Variants in ITGA9 observed in about 807,000 individuals in gnomAD.
ITGA9 encodes integrin alpha-9.
A neutral mutation model predicts 127.8 loss-of-function variants in ITGA9; 56 were observed. That is an observed-to-expected ratio of 0.44 (90% CI 0.35 to 0.55). The LOEUF (loss-of-function observed/expected upper bound fraction) is 0.55, where lower values mean the gene tolerates loss of function less well. Among genes scored for constraint, ITGA9 ranks in the 20% least tolerant of loss-of-function variants. The probability of loss-of-function intolerance (pLI) is 0.00; values close to 1 mark genes in which losing one functional copy is unlikely to be tolerated. For missense variants in ITGA9, 1,196 were observed against 1,347.1 expected, an observed-to-expected ratio of 0.89 and a Z score of 1.76; for synonymous variants, 508 against 514.5, an observed-to-expected ratio of 0.99 and a Z score of 0.17.
chr3:37,611,584 T>TA (rs1700016860), intron 15 of ITGA9, among the ~76,000 whole-genome samples: 1 of 152,208 alleles, frequency 6.6e-6, no homozygotes, highest in Non-Finnish European at 1.5e-5. Context: ...CTTCACTCTC[T>TA]AAACTGCAAA....
chr3:37,494,790 C>T lies in ITGA9; in HGVS notation c.612+222C>T, dbSNP rs138817944. 7.2e-5 allele frequency among the ~76,000 whole-genome samples: 11 copies of T among 152,184 alleles called. No homozygotes were observed. The East Asian group carries it at 9.7e-4, about 13-fold the overall frequency. On this transcript the variant is annotated intron_variant, in intron 5 of 27. Transcript: ENST00000264741. Reference sequence around the variant, plus strand: ...GCAGAGGAGGTGGGGTGGCTCATCTCGAGGCTACCCCTATTTGATGATTTC... The same window carrying T: ...GCAGAGGAGGTGGGGTGGCTCATCTTGAGGCTACCCCTATTTGATGATTTC...
chr3:37,638,544 G>C (rs1700302764), intron 16 of ITGA9, among the ~76,000 whole-genome samples: 1 of 151,952 alleles, frequency 6.6e-6, no homozygotes, highest in Non-Finnish European at 1.5e-5. Context: ...GCAGGAAGCA[G>C]AGCTGATCTT....
At chr3:37,630,706 C>T (rs1029087095) in intron 16 of ITGA9, among the ~76,000 whole-genome samples, 5 of 152,220 alleles carry the variant, frequency 3.3e-5, no homozygotes, top group African/African-American at 1.2e-4. Flanking sequence ...CACATCAAAA[C>T]ACACCCTCTG....
At chr3:37,551,420 C>G (rs1453755831) in intron 15 of ITGA9, among the ~76,000 whole-genome samples, 2 of 152,134 alleles carry the variant, frequency 1.3e-5, no homozygotes, top group Non-Finnish European at 2.9e-5. Flanking sequence ...GTTTTCCTAC[C>G]TCCTGCAACT....
chr3:37,771,020 T>G (rs900886405), intron 23 of ITGA9, among the ~76,000 whole-genome samples: 2 of 152,204 alleles, frequency 1.3e-5, no homozygotes, highest in Non-Finnish European at 2.9e-5. Context: ...TTTCCTTGTT[T>G]GGGTGCCTGG....
chr3:37,469,297 T>A (rs1048902048), intron 1 of ITGA9, among the ~76,000 whole-genome samples: 3 of 152,172 alleles, frequency 2.0e-5, no homozygotes, highest in African/African-American at 7.2e-5. Flanking sequence ...ACTGTTCTAT[T>A]TCTGTTTTGC....
intron 15 of ITGA9, among the ~76,000 whole-genome samples, chr3:37,545,788 C>T (rs1699320573): frequency 6.6e-6 from 1 of 152,232 alleles, no homozygotes; most frequent in Non-Finnish European, 1.5e-5. Flanking sequence ...CACCTCCCCT[C>T]AGCATCGGGC....
In ITGA9 at chr3:37,452,347, C is replaced by G; in HGVS notation, c.-28C>G. On this transcript the variant is annotated 5_prime_UTR_variant, in exon 1 of 28. Transcript: ENST00000264741. This position sits in a 1 kb window ranked among gnomAD's most constrained non-coding sequence, Gnocchi z 7.3. ...CGCGCTCGGCGCCCTGCTCGCCGGGCAGAGGGGAAGGCGGCGGCCGGCTGG... is the reference window on the plus strand; with the variant it reads ...CGCGCTCGGCGCCCTGCTCGCCGGGGAGAGGGGAAGGCGGCGGCCGGCTGG... 4.5e-6 allele frequency: 5 copies of G among 1,110,012 alleles called. No individual in the cohort carries two copies. Among genetic ancestry groups the G allele is most frequent in the Non-Finnish European group, 5.5e-6 (5 of 912,130 alleles). The allele number at this position is 1,110,012 out of a possible 1,614,324, so 68.8% of individuals were successfully genotyped here.
At position 37,542,537 on chromosome 3, in the gene ITGA9, G is replaced by A. The variant is rs1374519556; in HGVS notation, c.1641G>A (p.Gln547=). Residue 547 remains glutamine (Q), a synonymous_variant, in exon 15 of 28, where the codon CAG becomes CAA. Coordinates refer to ENST00000264741, the MANE Select transcript of ITGA9 (RefSeq NM_002207.3). ...ETMGQVTEKL[Q]LTYMEETCRH... The stretch of plus-strand genomic sequence containing the variant: ...TGGGTCAGGTCACAGAGAAGCTGCA[G>A]CTGACTTACATGGAGGAGACGTGTC... The A allele has an allele frequency of 2.5e-6, 4 of 1,614,048 alleles. No individual in the cohort carries two copies. The Admixed American group carries it at 5.0e-5, about 20-fold the overall frequency.
intron 1 of ITGA9, among the ~76,000 whole-genome samples, chr3:37,469,487 C>G (rs1200742439): frequency 6.6e-6 from 1 of 152,076 alleles, no homozygotes; most frequent in Non-Finnish European, 1.5e-5. Context: ...GGAAAGTGTC[C>G]ATATCATATA....
chr3:37,503,616 G>A (rs9809662), intron 6 of ITGA9, among the ~76,000 whole-genome samples: 11,856 of 152,250 alleles, frequency 0.078, 672 homozygotes, highest in African/African-American at 0.16. Context: ...TGGTCAGGTA[G>A]AAATGAGTGT....
intron 14 of ITGA9, 89 bp downstream of exon 14, chr3:37,533,557 C>G: frequency 1.4e-6 from 2 of 1,389,794 alleles, no homozygotes; most frequent in South Asian, 2.4e-5. Flanking sequence ...CGCTGTTCCT[C>G]CCAGCTGGTT....
intron 27 of ITGA9, chr3:37,807,095 A>AG (rs1229545961): frequency 6.6e-6 from 1 of 152,236 alleles, no homozygotes; most frequent in East Asian, 1.9e-4. Context: ...AAGGTCACAG[A>AG]GAACAGTGTG....
chr3:37,701,377 A>G (rs1240650188), intron 18 of ITGA9, among the ~76,000 whole-genome samples: 1 of 152,226 alleles, frequency 6.6e-6, no homozygotes, highest in East Asian at 1.9e-4. Context: ...ATAGGGGGAT[A>G]TATTAGGAAG....
rs535788386 is a variant in ITGA9, at chr3:37,679,682, G to A, written c.1917-4183G>A. Reference sequence around the variant, plus strand: ...AACCTCTCTGACAGTCCTGCTGAAAGATGAAAACAATCAGGCACGGGGTTT... The same window carrying A: ...AACCTCTCTGACAGTCCTGCTGAAAAATGAAAACAATCAGGCACGGGGTTT... On this transcript the variant is annotated intron_variant, in intron 17 of 27. Coordinates refer to ENST00000264741, the MANE Select transcript of ITGA9 (RefSeq NM_002207.3). Among the ~76,000 whole-genome samples, 15 of 152,336 alleles carry A rather than the reference G, an allele frequency of 9.8e-5. No individual in the cohort carries two copies. In the South Asian group the frequency reaches 1.9e-3, roughly 19 times the overall value.
chr3:37,658,241 C>G (rs1340798131), intron 17 of ITGA9, among the ~76,000 whole-genome samples: 1 of 152,060 alleles, frequency 6.6e-6, no homozygotes, highest in African/African-American at 2.4e-5. Context: ...TTCTGAATAT[C>G]CTTGTTAGTT....
intron 17 of ITGA9, among the ~76,000 whole-genome samples, chr3:37,673,149 G>A (rs906299668): frequency 1.3e-5 from 2 of 152,086 alleles, no homozygotes; most frequent in Non-Finnish European, 2.9e-5. Context: ...TATCCCTGTA[G>A]GAAAGAGAAA....
intron 27 of ITGA9, among the ~76,000 whole-genome samples, chr3:37,805,461 TA>T (rs1292384384): frequency 6.6e-6 from 1 of 152,160 alleles, no homozygotes; most frequent in Admixed American, 6.5e-5. Context: ...CTTAAAGCTG[TA>T]GAGTGTCTGC....
chr3:37,593,149 T>G (rs978497287), intron 15 of ITGA9, among the ~76,000 whole-genome samples: 6 of 152,214 alleles, frequency 3.9e-5, no homozygotes, highest in African/African-American at 1.4e-4. Context: ...CCAAAATTCA[T>G]AGATGCTCAA....
Sources: allele counts gnomAD v4.1 joint callset (sites outside exome capture counted in the v4.1 genomes callset), GRCh38; gene constraint gnomAD v4.1.1; non-coding constraint Gnocchi (gnomAD v3.1); transcripts MANE v1.5; gene names NCBI Gene and HGNC (gene_info 2026-07-23, HGNC 2026-07-21).